Variants in DNAH3 observed in about 807,000 individuals in gnomAD.
DNAH3 encodes the protein dynein axonemal heavy chain 3, also known as axonemal beta dynein heavy chain 3.
Under a neutral mutation model 432.5 loss-of-function variants are expected in DNAH3, and 332 were observed. The ratio of observed to expected loss-of-function variants is 0.77; its 90% CI spans 0.70 to 0.84. DNAH3 has a LOEUF of 0.84. Among genes scored for constraint, DNAH3 ranks in the 40% least tolerant of loss-of-function variants. DNAH3 has a pLI of 0.00. For missense variants in DNAH3, 4,861 were observed against 5,114.0 expected (o/e 0.95, Z 1.51); for synonymous variants, 1,956 against 1,900.2 (o/e 1.03, Z -0.76).
chr16:21,064,221 A>G (rs1003638727), intron 24 of DNAH3, among the ~76,000 whole-genome samples: 1 of 152,096 alleles, frequency 6.6e-6, no homozygotes, highest in Admixed American at 6.6e-5. Flanking sequence ...TGTGACCACC[A>G]CCATATAAAT....
intron 20 of DNAH3, among the ~76,000 whole-genome samples, chr16:21,080,652 G>T (rs1274654798): frequency 3.3e-5 from 5 of 152,158 alleles, no homozygotes; most frequent in Admixed American, 6.5e-5. Context: ...TGATTATGTG[G>T]GTTGGGTGGG....
At chr16:21,124,671 C>T (rs2092410746) in intron 9 of DNAH3, among the ~76,000 whole-genome samples, 1 of 149,854 alleles carries the variant, frequency 6.7e-6, no homozygotes, top group Admixed American at 6.7e-5. Flanking sequence ...CTTTTTGAGA[C>T]AGAGTTTCAC....
At chr16:21,030,997 G>A in intron 37 of DNAH3, 48 bp downstream of exon 37, 1 of 1,594,542 alleles carries the variant, frequency 6.3e-7, no homozygotes, top group Non-Finnish European at 8.6e-7. Context: ...TTCAATAAAA[G>A]AGTTTATGTC....
At chr16:21,140,798 T>C in intron 4 of DNAH3, 88 bp from the exon 6 acceptor site, 3 of 1,248,160 alleles carry the variant, frequency 2.4e-6, no homozygotes, top group Non-Finnish European at 3.4e-6. Context: ...CTGATGAGTG[T>C]GGTTCTGCAA....
chr16:21,051,740 A>C, exon 29 of DNAH3: 1 of 1,614,004 alleles, frequency 6.2e-7, no homozygotes. Flanking sequence ...TAGCCATACA[A>C]GGCTTCTGTG....
At chr16:21,093,488 T>C (rs984867723) in intron 18 of DNAH3, among the ~76,000 whole-genome samples, 2 of 152,212 alleles carry the variant, frequency 1.3e-5, no homozygotes, top group African/African-American at 4.8e-5. Flanking sequence ...GTAATAAAGA[T>C]GTGAATTCTT....
intron 51 of DNAH3, among the ~76,000 whole-genome samples, chr16:20,973,187 G>C (rs1215684533): frequency 6.6e-6 from 1 of 151,850 alleles, no homozygotes; most frequent in East Asian, 1.9e-4. Context: ...TAACCATGCA[G>C]CTCTGGAAAG....
intron 18 of DNAH3, among the ~76,000 whole-genome samples, chr16:21,093,971 T>C (rs2091608190): frequency 6.6e-6 from 1 of 152,038 alleles, no homozygotes; most frequent in South Asian, 2.1e-4. Flanking sequence ...GAAGAAAATA[T>C]AGGAGAATAT....
At chr16:21,145,363 G>A (rs138032546) in exon 3 of DNAH3, 38 of 1,614,052 alleles carry the variant, frequency 2.4e-5, no homozygotes, top group East Asian at 4.5e-5. Flanking sequence ...GGTCCATGAC[G>A]TGCGTTGCAT....
intron 25 of DNAH3, among the ~76,000 whole-genome samples, 170 bp from the exon 26 acceptor site, chr16:21,060,526 C>CTTTTTTTTTTTTTTTTTTTT (rs375746116): frequency 1.7e-4 from 16 of 93,414 alleles, no homozygotes; most frequent in Non-Finnish European, 2.2e-4. Context: ...TTTTTTTTTT[C>CTTTTTTTTTTTTTTTTTTTT]TTTTTTTTTT....
At chr16:21,145,814 C>T (rs769117326) in intron 2 of DNAH3, among the ~76,000 whole-genome samples, 170 bp downstream of exon 3, 21 of 152,234 alleles carry the variant, frequency 1.4e-4, no homozygotes, top group Non-Finnish European at 2.8e-4. Flanking sequence ...CTCTCTCCCA[C>T]ACTTCTGCAG....
Position 21,150,419 on chromosome 16 carries a change from CT to C in DNAH3, c.118-4332del. The C allele has an allele frequency of 2.4e-6, 1 of 423,206 alleles. No homozygotes were observed. Among genetic ancestry groups the C allele is most frequent in the Non-Finnish European group, 4.6e-6 (1 of 217,396 alleles). The allele number at this position is 423,206 out of a possible 1,614,324, so 26.2% of individuals were successfully genotyped here. Reference sequence around the variant, plus strand: ...CTATCCAGTTGGTCTGAAATTCACACTTCCTTATAGCATAATGGGGATGACA... The same window carrying C: ...CTATCCAGTTGGTCTGAAATTCACACTCCTTATAGCATAATGGGGATGACA... On this transcript the variant is annotated intron_variant, in intron 1 of 61. An upstream open reading frame in the 5' UTR loses its in-frame stop. Coordinates refer to ENST00000261383, the Ensembl canonical transcript of DNAH3.
At chr16:20,946,962 C>G (rs973943453) in intron 57 of DNAH3, among the ~76,000 whole-genome samples, 1 of 151,062 alleles carries the variant, frequency 6.6e-6, no homozygotes, top group African/African-American at 2.4e-5. Flanking sequence ...GTAGTTGGGA[C>G]TACAAGTGCA....
intron 1 of DNAH3, among the ~76,000 whole-genome samples, chr16:21,147,627 G>A (rs534994069): frequency 5.9e-5 from 9 of 152,248 alleles, no homozygotes; most frequent in African/African-American, 1.9e-4. Context: ...TGATTCCTGC[G>A]AAAAGAAAAA....
intron 43 of DNAH3, among the ~76,000 whole-genome samples, chr16:20,998,031 G>A (rs753104249): frequency 1.3e-5 from 2 of 151,714 alleles, no homozygotes; most frequent in Admixed American, 6.6e-5. Flanking sequence ...TAGAAAAGAC[G>A]AGAAAAACAA....
Position 21,062,697 on chromosome 16 carries a change from A to T in DNAH3, c.3519-14T>A, listed in dbSNP as rs374689144. 1 of 1,604,510 alleles carries T rather than the reference A, an allele frequency of 6.2e-7. No individual in the cohort carries two copies. The highest frequency in any genetic ancestry group is 8.5e-7 in the Non-Finnish European group (1 of 1,174,202). On this transcript the variant is annotated splice_polypyrimidine_tract_variant and intron_variant, in intron 24 of 61. Transcript: ENST00000261383. The stretch of plus-strand genomic sequence containing the variant: ...AGGAAGAAGAATCTATTTCAAAGCA[A>T]AGAAAGATGGTAACTGGAACCTCTT...
At chr16:20,984,161 A>ATGTGTGTGTGTG (rs61445558) in intron 48 of DNAH3, among the ~76,000 whole-genome samples, 173 of 150,718 alleles carry the variant, frequency 1.1e-3, no homozygotes, top group African/African-American at 4.0e-3. Context: ...CCTTATCCCA[A>ATGTGTGTGTGTG]TGTGTGTGTG....
intron 50 of DNAH3, among the ~76,000 whole-genome samples, chr16:20,977,338 C>A (rs2085641342): frequency 6.6e-6 from 1 of 152,266 alleles, no homozygotes; most frequent in African/African-American, 2.4e-5. Flanking sequence ...GATTGCACCA[C>A]TGCACTCCAG....
chr16:21,068,328 G>A (rs369799401), intron 23 of DNAH3, among the ~76,000 whole-genome samples: 4 of 81,274 alleles, frequency 4.9e-5, no homozygotes, highest in Middle Eastern at 4.5e-3. Flanking sequence ...TTTTGGGTGG[G>A]GGGGGGGACA....
Sources: allele counts gnomAD v4.1 joint callset (sites outside exome capture counted in the v4.1 genomes callset), GRCh38; gene constraint gnomAD v4.1.1; transcripts MANE v1.5; gene names NCBI Gene and HGNC (gene_info 2026-07-23, HGNC 2026-07-21).